The following BARD1 variants were observed in gnomAD, a reference collection of about 807,000 sequenced individuals.
The protein encoded by BARD1 is BRCA1 associated RING domain 1.
BARD1 carries 73 observed loss-of-function variants against 77.0 expected under a neutral mutation model. That is an observed-to-expected ratio of 0.95 (90% CI 0.79 to 1.15). The LOEUF is 1.15. Ranked by LOEUF, BARD1 falls within the 50% of genes most tolerant of loss-of-function variation. The probability of loss-of-function intolerance (pLI) is 0.00; values close to 1 mark genes in which losing one functional copy is unlikely to be tolerated. For synonymous variants in BARD1, 384 were observed against 338.0 expected, an observed-to-expected ratio of 1.14 and a Z score of -1.49; for missense variants, 993 against 938.8, an observed-to-expected ratio of 1.06 and a Z score of -0.75.
intron 4 of BARD1, among the ~76,000 whole-genome samples, chr2:214,779,847 A>ACAGAG (rs1167448775): frequency 6.6e-6 from 1 of 152,228 alleles, no homozygotes; most frequent in African/African-American, 2.4e-5. Flanking sequence ...GCATGAAATC[A>ACAGAG]CAGAGCAAAG....
chr2:214,767,337 T>C, intron 6 of BARD1, 145 bp downstream of exon 6: 5 of 789,002 alleles, frequency 6.3e-6, no homozygotes, highest in Non-Finnish European at 6.3e-6. Flanking sequence ...TGATTATGAG[T>C]GCAGAATGTG....
At chr2:214,803,439 T>A (rs1032161434) in intron 1 of BARD1, among the ~76,000 whole-genome samples, 2 of 152,212 alleles carry the variant, frequency 1.3e-5, no homozygotes, top group Admixed American at 1.3e-4. Flanking sequence ...GTAGGTTCCA[T>A]CTACTGAGAT....
chr2:214,772,807 TAG>T lies in BARD1; in HGVS notation c.1315-3497_1315-3496del, dbSNP rs529117908. 1.9e-3 allele frequency among the ~76,000 whole-genome samples: 287 copies of T among 152,304 alleles called. 1 individual carries two copies. Among genetic ancestry groups the T allele is most frequent in the African/African-American group, 6.4e-3 (265 of 41,580 alleles). On this transcript the variant is annotated intron_variant, in intron 4 of 10. Transcript: ENST00000260947. ...CATAAATAAAATTATGATAATTAGA[TAG>T]AGTCTACAGTAACTGGAATAGCTTG...
intron 6 of BARD1, among the ~76,000 whole-genome samples, chr2:214,759,826 T>G (rs1693867404): frequency 6.6e-6 from 1 of 152,182 alleles, no homozygotes; most frequent in African/African-American, 2.4e-5. Flanking sequence ...TAATTTAAAA[T>G]TAAATAGTGA....
rs188181984 is a variant in BARD1 at position 214,780,481 on chromosome 2, G to A, written c.1314+79C>T. 8 of 1,208,798 alleles carry A rather than the reference G, an allele frequency of 6.6e-6. No homozygotes were observed. In the East Asian group the frequency reaches 9.7e-5, roughly 15 times the overall value. The allele number at this position is 1,208,798 out of a possible 1,614,324, so 74.9% of individuals were successfully genotyped here. A position where few individuals can be genotyped will look rare whatever the true frequency, so the allele number is the denominator to read the frequency against. ...AGGTTAATTATCCTAGTAATCCTAT[G>A]CCATTTTTCAAAAACTGCAAAGAAA... On this transcript the variant is annotated intron_variant, in intron 4 of 10. Coordinates refer to ENST00000260947, the MANE Select transcript of BARD1 (RefSeq NM_000465.4).
intron 1 of BARD1, among the ~76,000 whole-genome samples, chr2:214,801,643 T>C (rs143793316): frequency 3.3e-5 from 5 of 152,298 alleles, no homozygotes; most frequent in African/African-American, 1.2e-4. Context: ...CCTCCAGCCA[T>C]CACTTCTGCA....
intron 6 of BARD1, among the ~76,000 whole-genome samples, chr2:214,766,244 C>T (rs1460502342): frequency 2.6e-5 from 4 of 152,096 alleles, no homozygotes; most frequent in Admixed American, 6.5e-5. Context: ...TGTGTCCTGA[C>T]ACTGCAAAAA....
At chr2:214,767,862 A>G (rs1032730223) in intron 5 of BARD1, among the ~76,000 whole-genome samples, 1 of 152,248 alleles carries the variant, frequency 6.6e-6, no homozygotes, top group East Asian at 1.9e-4. Context: ...TCATAAAAAA[A>G]GAAAGGCTAT....
chr2:214,738,095 C>G (rs1421383491), intron 9 of BARD1, among the ~76,000 whole-genome samples: 1 of 152,148 alleles, frequency 6.6e-6, no homozygotes, highest in Admixed American at 6.5e-5. Flanking sequence ...GAAAATGTGT[C>G]AAGCCACTAA....
chr2:214,772,553 G>A (rs951023246), intron 4 of BARD1, among the ~76,000 whole-genome samples: 1 of 152,128 alleles, frequency 6.6e-6, no homozygotes, highest in African/African-American at 2.4e-5. Flanking sequence ...ACAATTTAAA[G>A]AATACAAGTA....
chr2:214,732,411 T>C (rs1442924251), intron 9 of BARD1, among the ~76,000 whole-genome samples: 1 of 151,880 alleles, frequency 6.6e-6, no homozygotes, highest in African/African-American at 2.4e-5. Flanking sequence ...TTTTTTTTTT[T>C]CTGAGACAGA....
At chr2:214,807,651 T>C (rs1696335120) in intron 1 of BARD1, among the ~76,000 whole-genome samples, 1 of 152,234 alleles carries the variant, frequency 6.6e-6, no homozygotes, top group South Asian at 2.1e-4. Flanking sequence ...GGTCTGGCAC[T>C]TTATGGGTGC....
At chr2:214,774,165 T>G (rs146607574) in intron 4 of BARD1, among the ~76,000 whole-genome samples, 6 of 152,314 alleles carry the variant, frequency 3.9e-5, no homozygotes, top group Non-Finnish European at 2.9e-5. Flanking sequence ...TATAGTTACT[T>G]TCTCCACTTA....
chr2:214,762,017 C>T (rs1693989189), intron 6 of BARD1, among the ~76,000 whole-genome samples: 1 of 152,042 alleles, frequency 6.6e-6, no homozygotes, highest in South Asian at 2.1e-4. Context: ...TTTATTAACA[C>T]AATATCCAGT....
intron 3 of BARD1, 112 bp from the exon 4 acceptor site, chr2:214,781,621 G>C: frequency 1.3e-6 from 1 of 799,158 alleles, no homozygotes; most frequent in Non-Finnish European, 2.0e-6. Flanking sequence ...TTTTAATTAT[G>C]TACTTCTTTC....
chr2:214,771,923 GGAAA>G (rs1158241180), intron 4 of BARD1, among the ~76,000 whole-genome samples: 8 of 82,406 alleles, frequency 9.7e-5, no homozygotes, highest in African/African-American at 5.1e-4. Flanking sequence ...CCCAGTTTCA[GGAAA>G]AAAAAAAAAA....
At chr2:214,738,843 C>G (rs992428688) in intron 9 of BARD1, among the ~76,000 whole-genome samples, 1 of 152,076 alleles carries the variant, frequency 6.6e-6, no homozygotes, top group African/African-American at 2.4e-5. Flanking sequence ...TAAACAGATC[C>G]ACATTTTAAA....
chr2:214,767,452 TA>T (rs1258853622), intron 6 of BARD1, 29 bp downstream of exon 6: 1 of 1,603,464 alleles, frequency 6.2e-7, no homozygotes, highest in Non-Finnish European at 8.5e-7. Context: ...AGGTCCATTT[TA>T]AAAATAATTT....
chr2:214,751,103 GTGTGTGTGTGTGTGTATATATATA>G (rs1485968869), intron 7 of BARD1, among the ~76,000 whole-genome samples: 646 of 17,558 alleles, frequency 0.037, 29 homozygotes, highest in Admixed American at 0.19. Flanking sequence ...GTGTGTGTGT[GTGTGTGTGTGTGTGTATATATATA>G]TATATATATA....
Sources: gnomAD v4.1 joint callset for allele counts (sites outside exome capture counted in the v4.1 genomes callset) on GRCh38, gnomAD v4.1.1 for gene constraint, MANE v1.5 for transcripts, NCBI Gene and HGNC (gene_info 2026-07-23, HGNC 2026-07-21) for gene names.